PTPRD: variants seen among roughly 807,000 people sequenced by gnomAD.
PTPRD encodes protein tyrosine phosphatase receptor type D, also known as receptor-type tyrosine-protein phosphatase delta.
Under a neutral mutation model 214.5 loss-of-function variants are expected in PTPRD, and 34 were observed. The observed-to-expected ratio is 0.16, with a 90% CI of 0.12 to 0.21. The LOEUF is 0.21. Among genes scored for constraint, PTPRD ranks in the 10% least tolerant of loss-of-function variants. The probability of loss-of-function intolerance (pLI) is 1.00; values close to 1 mark genes in which losing one functional copy is unlikely to be tolerated. For missense variants in PTPRD, 2,545 were observed against 2,398.7 expected (o/e 1.06, Z -1.27); for synonymous variants, 1,128 against 845.7 (o/e 1.33, Z -5.79).
At chr9:8,827,705 G>C (rs898181788) in intron 11 of PTPRD, among the ~76,000 whole-genome samples, 4 of 152,082 alleles carry the variant, frequency 2.6e-5, no homozygotes, top group African/African-American at 9.7e-5. Flanking sequence ...TTTCAAAGCA[G>C]AGCATGCCTT....
intron 11 of PTPRD, among the ~76,000 whole-genome samples, chr9:8,766,238 T>C (rs1599112693): frequency 6.7e-6 from 1 of 148,886 alleles, no homozygotes; most frequent in Non-Finnish European, 1.5e-5. Context: ...CTTTGTGGAG[T>C]GTGTGCATAC....
Position 10,031,641 on chromosome 9 carries a change from T to TACACACACACAC in PTPRD, c.-472+2076_-472+2077insGTGTGTGTGTGT, listed in dbSNP as rs1332974172. On this transcript the variant is annotated intron_variant, in intron 4 of 45. Coordinates refer to ENST00000381196, the MANE Select transcript of PTPRD (RefSeq NM_002839.4). Reference sequence around the variant, plus strand: ...AAAAAACTCCATATATATATATATATATATATACACACACACACACACACA... The same window carrying TACACACACACAC: ...AAAAAACTCCATATATATATATATATACACACACACACATATATACACACACACACACACACA... Among the ~76,000 whole-genome samples the TACACACACACAC allele has an allele frequency of 8.1e-4, 60 of 74,164 alleles. 2 individuals carry two copies. The highest frequency in any genetic ancestry group is 6.0e-3 in the African/African-American group (60 of 10,080). 48.7% of individuals were successfully genotyped at this position (74,164 alleles called of 152,430 possible).
At chr9:10,518,190 T>C (rs1045902667) in intron 2 of PTPRD, among the ~76,000 whole-genome samples, 3 of 152,156 alleles carry the variant, frequency 2.0e-5, no homozygotes, top group Non-Finnish European at 4.4e-5. Context: ...ATATTAATAG[T>C]GAGAAAATTA....
intron 11 of PTPRD, among the ~76,000 whole-genome samples, chr9:8,862,447 T>C (rs193223757): frequency 5.3e-5 from 8 of 152,300 alleles, no homozygotes; most frequent in African/African-American, 1.9e-4. Flanking sequence ...CCATGCTAAA[T>C]TTTTTGACCC....
Position 10,275,437 on chromosome 9 carries a change from AAGAG to A in PTPRD, c.-545+65522_-545+65525del, listed in dbSNP as rs891801563. The stretch of plus-strand genomic sequence containing the variant: ...AATTGAGAGGGATGAGAGAGAGAAA[AAGAG>A]AGAGAGAGAATTGATGTACTTATAA... On this transcript the variant is annotated intron_variant, in intron 3 of 45. Transcript: ENST00000381196. 2.7e-3 allele frequency among the ~76,000 whole-genome samples: 401 copies of A among 148,050 alleles called. 3 individuals are homozygous for A. The highest frequency in any genetic ancestry group is 0.01 in the African/African-American group (382 of 37,718).
chr9:9,870,727 T>C (rs2153711392), intron 5 of PTPRD, among the ~76,000 whole-genome samples: 1 of 152,200 alleles, frequency 6.6e-6, no homozygotes, highest in South Asian at 2.1e-4. Flanking sequence ...AGTGTACTGA[T>C]GTTCGCAATC....
chr9:9,983,320 TA>T (rs1229570056), intron 4 of PTPRD, among the ~76,000 whole-genome samples: 3 of 152,220 alleles, frequency 2.0e-5, no homozygotes, highest in Admixed American at 6.5e-5. Flanking sequence ...CTTGGAATCT[TA>T]GTGCAGAGTC....
intron 7 of PTPRD, among the ~76,000 whole-genome samples, chr9:9,612,702 C>T (rs1408103022): frequency 6.6e-6 from 1 of 151,102 alleles, no homozygotes; most frequent in East Asian, 1.9e-4. Flanking sequence ...ATAAGAAAAA[C>T]AAATTTGAGA....
chr9:10,307,719 G>C lies in PTPRD; in HGVS notation c.-545+33244C>G, dbSNP rs565960809. Among the ~76,000 whole-genome samples, 23 of 151,930 alleles carry C rather than the reference G, an allele frequency of 1.5e-4. No homozygotes were observed. The South Asian group carries it at 4.6e-3, about 30-fold the overall frequency. On this transcript the variant is annotated intron_variant, in intron 3 of 45. Transcript: ENST00000381196. ...TACTGGATGTAAAAGATACATCCTT[G>C]CCAGCATCTCTTATTTTTTGTCCTT...
At position 9,413,100 on chromosome 9, in the gene PTPRD, C is replaced by CTTTTTTTTTTTTTTTTTTTT. The variant is rs5896325; in HGVS notation, c.-236-15638_-236-15619dup. ...CAAGTTATAAAATATCTTGCAGCTT[C>CTTTTTTTTTTTTTTTTTTTT]TTTTTTTTTTTTTTTTTTTTTTTTT... On this transcript the variant is annotated intron_variant, in intron 8 of 45. Coordinates refer to ENST00000381196, the MANE Select transcript of PTPRD (RefSeq NM_002839.4). Among the ~76,000 whole-genome samples, 19 of 63,026 alleles carry CTTTTTTTTTTTTTTTTTTTT rather than the reference C, an allele frequency of 3.0e-4. 4 individuals are homozygous for CTTTTTTTTTTTTTTTTTTTT. Among genetic ancestry groups the CTTTTTTTTTTTTTTTTTTTT allele is most frequent in the East Asian group, 1.3e-3 (2 of 1,516 alleles). The allele number at this position is 63,026 out of a possible 152,430, so 41.3% of individuals were successfully genotyped here. A position where few individuals can be genotyped will look rare whatever the true frequency, so the allele number is the denominator to read the frequency against.
At chr9:10,610,099 A>T (rs368467700) in intron 2 of PTPRD, among the ~76,000 whole-genome samples, 2 of 152,150 alleles carry the variant, frequency 1.3e-5, no homozygotes, top group African/African-American at 4.8e-5. Flanking sequence ...TGCTGACACT[A>T]GCAACTTTCT....
intron 3 of PTPRD, among the ~76,000 whole-genome samples, chr9:10,146,333 T>C (rs1163986408): frequency 6.6e-6 from 1 of 151,962 alleles, no homozygotes. Flanking sequence ...CTATCCTAAG[T>C]GGTAAGGATA....
chr9:9,150,462 A>C (rs1338380221), intron 10 of PTPRD, among the ~76,000 whole-genome samples: 1 of 130,604 alleles, frequency 7.7e-6, no homozygotes, highest in Admixed American at 8.3e-5. Context: ...GTAACATATT[A>C]TATATATAAT....
chr9:9,656,921 T>G (rs571807755), intron 7 of PTPRD, among the ~76,000 whole-genome samples: 4 of 152,084 alleles, frequency 2.6e-5, no homozygotes, highest in Non-Finnish European at 5.9e-5. Flanking sequence ...GATTTCTCTG[T>G]GAACCTACAA....
intron 8 of PTPRD, among the ~76,000 whole-genome samples, chr9:9,539,669 C>A (rs1230232704): frequency 1.3e-5 from 2 of 151,908 alleles, no homozygotes; most frequent in East Asian, 3.9e-4. Context: ...AAAATAAGTT[C>A]TCCCAAAGTG....
rs75536004 is a variant in PTPRD at position 9,512,356 on chromosome 9, G to A, written c.-237+62376C>T. Among the ~76,000 whole-genome samples the A allele has an allele frequency of 6.6e-3, 1,004 of 151,812 alleles. 12 individuals carry two copies. The highest frequency in any genetic ancestry group is 5.4e-3 in the Non-Finnish European group (369 of 67,802). On this transcript the variant is annotated intron_variant, in intron 8 of 45. Transcript: ENST00000381196. ...GGGGGTAAAAGGTTATTTTTAAAAG[G>A]CTTCTAAGCAAGAAAAATATAATCT...
rs999114375 is a variant in PTPRD, at chr9:8,439,852, G to A, written c.3989-3163C>T. Among the ~76,000 whole-genome samples, 8 of 151,188 alleles carry A rather than the reference G, an allele frequency of 5.3e-5. No individual in the cohort carries two copies. The East Asian group carries it at 1.6e-3, about 29-fold the overall frequency. ...GTGGTACCTTTTCAATGTTTTGTCT[G>A]GCAACCTGACCACTGCTCAGTCTAT... On this transcript the variant is annotated intron_variant, in intron 34 of 45. Coordinates refer to ENST00000381196, the MANE Select transcript of PTPRD (RefSeq NM_002839.4).
At chr9:9,003,897 T>C (rs757734400) in intron 11 of PTPRD, among the ~76,000 whole-genome samples, 3 of 152,220 alleles carry the variant, frequency 2.0e-5, no homozygotes, top group East Asian at 3.9e-4. Flanking sequence ...TCAACTTTCA[T>C]GTGATTTGTT....
intron 4 of PTPRD, among the ~76,000 whole-genome samples, chr9:10,004,441 A>G (rs546441947): frequency 6.6e-6 from 1 of 152,146 alleles, no homozygotes; most frequent in South Asian, 2.1e-4. Flanking sequence ...GTATATGTGT[A>G]TGGCAGATAA....
Sources: allele counts gnomAD v4.1 joint callset (sites outside exome capture counted in the v4.1 genomes callset), GRCh38; gene constraint gnomAD v4.1.1; transcripts MANE v1.5; gene names NCBI Gene and HGNC (gene_info 2026-07-23, HGNC 2026-07-21).